Variants in KDM4C observed in about 807,000 individuals in gnomAD.
KDM4C encodes the protein lysine-specific demethylase 4C.
Under a neutral mutation model 129.3 loss-of-function variants are expected in KDM4C, and 81 were observed. The ratio of observed to expected loss-of-function variants is 0.63; its 90% CI spans 0.52 to 0.75. The LOEUF (loss-of-function observed/expected upper bound fraction) is 0.75, where lower values mean the gene tolerates loss of function less well. KDM4C is among the 30% of genes least tolerant of loss of function. KDM4C has a pLI of 0.00. For missense variants in KDM4C, 1,457 were observed against 1,304.0 expected, an observed-to-expected ratio of 1.12 and a Z score of -1.81; for synonymous variants, 573 against 456.1, an observed-to-expected ratio of 1.26 and a Z score of -3.26.
intron 17 of KDM4C, among the ~76,000 whole-genome samples, chr9:7,077,718 G>T (rs1834085262): frequency 6.6e-6 from 1 of 152,150 alleles, no homozygotes; most frequent in African/African-American, 2.4e-5. Context: ...CATCATCATT[G>T]CCTGGACTTC....
chr9:6,844,359 C>T (rs1263157107), intron 4 of KDM4C, among the ~76,000 whole-genome samples: 1 of 152,184 alleles, frequency 6.6e-6, no homozygotes, highest in Admixed American at 6.5e-5. Context: ...GCCACCCCTT[C>T]ACACACCCCG....
At chr9:6,879,163 C>G (rs1209331444) in intron 5 of KDM4C, among the ~76,000 whole-genome samples, 1 of 151,892 alleles carries the variant, frequency 6.6e-6, no homozygotes. Context: ...GTAAGTACAG[C>G]AAATAGAGGT....
intron 8 of KDM4C, among the ~76,000 whole-genome samples, chr9:6,910,047 A>G (rs926558619): frequency 1.3e-5 from 2 of 152,220 alleles, no homozygotes; most frequent in East Asian, 1.9e-4. Flanking sequence ...GAAGGAAAAT[A>G]TGGTAAAATT....
chr9:6,797,344 A>G (rs529373314), intron 2 of KDM4C, among the ~76,000 whole-genome samples: 1 of 152,262 alleles, frequency 6.6e-6, no homozygotes, highest in East Asian at 1.9e-4. Context: ...ATTTGAAGAA[A>G]TTGGTCGAGT....
At chr9:7,149,825 A>G (rs534871427) in intron 19 of KDM4C, among the ~76,000 whole-genome samples, 1 of 152,302 alleles carries the variant, frequency 6.6e-6, no homozygotes, top group African/African-American at 2.4e-5. Context: ...TTCACCCTAC[A>G]TCTTCCATAC....
chr9:6,940,369 T>C (rs1029492035), intron 8 of KDM4C, among the ~76,000 whole-genome samples: 1 of 152,204 alleles, frequency 6.6e-6, no homozygotes, highest in African/African-American at 2.4e-5. Flanking sequence ...TTTCATGTTA[T>C]TAGAGCTTCA....
At chr9:6,819,937 T>C (rs1832737538) in intron 4 of KDM4C, among the ~76,000 whole-genome samples, 1 of 152,238 alleles carries the variant, frequency 6.6e-6, no homozygotes. Flanking sequence ...AGTCATCAAA[T>C]TGCAGTTTCC....
chr9:6,886,499 CTTTTTTTT>C (rs36095385), intron 6 of KDM4C, among the ~76,000 whole-genome samples: 4 of 133,208 alleles, frequency 3.0e-5, no homozygotes, highest in East Asian at 2.1e-4. Flanking sequence ...TTCTTTTTTC[CTTTTTTTT>C]TTTTTGAGGA....
chr9:6,839,739 A>G (rs1239101468), intron 4 of KDM4C, among the ~76,000 whole-genome samples: 1 of 151,958 alleles, frequency 6.6e-6, no homozygotes, highest in Admixed American at 6.6e-5. Flanking sequence ...TGTCTCTACT[A>G]AAACAAATAA....
chr9:7,105,013 T>A (rs1436485798), intron 18 of KDM4C, among the ~76,000 whole-genome samples: 1 of 152,078 alleles, frequency 6.6e-6, no homozygotes, highest in Non-Finnish European at 1.5e-5. Context: ...TTTGTCTTAT[T>A]TTTTCATTGT....
intron 19 of KDM4C, among the ~76,000 whole-genome samples, chr9:7,141,628 G>A (rs1201558450): frequency 6.6e-6 from 1 of 152,166 alleles, no homozygotes; most frequent in Non-Finnish European, 1.5e-5. Flanking sequence ...CATTGAGATA[G>A]GGAACTTCGG....
chr9:7,064,781 G>C (rs528494703), intron 17 of KDM4C, among the ~76,000 whole-genome samples: 1 of 152,208 alleles, frequency 6.6e-6, no homozygotes, highest in South Asian at 2.1e-4. Context: ...AGTGCTCTTA[G>C]GTTAATAGTG....
chr9:7,138,155 G>A (rs891848460), intron 19 of KDM4C, among the ~76,000 whole-genome samples: 1 of 152,192 alleles, frequency 6.6e-6, no homozygotes, highest in Non-Finnish European at 1.5e-5. Flanking sequence ...AGAGAATGGA[G>A]TGAGTGTATT....
intron 5 of KDM4C, among the ~76,000 whole-genome samples, chr9:6,856,532 C>CTGTG (rs1251541770): frequency 3.1e-5 from 4 of 127,596 alleles, no homozygotes; most frequent in Non-Finnish European, 4.9e-5. Context: ...ATATCTCTCT[C>CTGTG]TGTGTGCGTG....
At chr9:6,963,172 C>G (rs561427113) in intron 8 of KDM4C, among the ~76,000 whole-genome samples, 3 of 152,286 alleles carry the variant, frequency 2.0e-5, no homozygotes, top group Non-Finnish European at 2.9e-5. Flanking sequence ...TAGAATGGTG[C>G]TCAGTACTTA....
chr9:6,871,282 C>G (rs1401318321), intron 5 of KDM4C, among the ~76,000 whole-genome samples: 1 of 152,114 alleles, frequency 6.6e-6, no homozygotes, highest in Non-Finnish European at 1.5e-5. Context: ...GAAATGTTGG[C>G]CTAATCTCAT....
At chr9:7,052,057 T>C (rs1224537928) in intron 17 of KDM4C, among the ~76,000 whole-genome samples, 14 of 152,206 alleles carry the variant, frequency 9.2e-5, no homozygotes. Context: ...ATTTTCAATA[T>C]TTGTCATTTT....
chr9:7,078,230 A>G (rs1941578372), intron 17 of KDM4C, among the ~76,000 whole-genome samples: 1 of 152,336 alleles, frequency 6.6e-6, no homozygotes, highest in Admixed American at 6.5e-5. Flanking sequence ...GCTTTTCTGT[A>G]GGAACTTTTT....
At chr9:6,731,182 C>T (rs752708692) in intron 1 of KDM4C, among the ~76,000 whole-genome samples, 15 of 152,108 alleles carry the variant, frequency 9.9e-5, no homozygotes, top group Non-Finnish European at 1.9e-4. Context: ...AACAAGGACT[C>T]AGTAGAGGGT....
Sources: gnomAD v4.1 joint callset for allele counts (sites outside exome capture counted in the v4.1 genomes callset) on GRCh38, gnomAD v4.1.1 for gene constraint, MANE v1.5 for transcripts, NCBI Gene and HGNC (gene_info 2026-07-23, HGNC 2026-07-21) for gene names.